The following FHIT variants were observed in gnomAD, a reference collection of about 807,000 sequenced individuals.
FHIT encodes the protein fragile histidine triad diadenosine triphosphatase.
In FHIT, 19 loss-of-function variants were observed where a neutral mutation model predicts 17.9. The observed-to-expected ratio is 1.06, with a 90% CI of 0.74 to 1.56. The LOEUF is 1.56. Among genes scored for constraint, FHIT ranks in the 40% most tolerant of loss-of-function variants. FHIT has a pLI of 0.00. For synonymous variants in FHIT, 81 were observed against 69.7 expected, an observed-to-expected ratio of 1.16 and a Z score of -0.81; for missense variants, 248 against 189.2, an observed-to-expected ratio of 1.31 and a Z score of -1.82.
chr3:60,627,749 C>G (rs560262182), intron 4 of FHIT, among the ~76,000 whole-genome samples: 1 of 152,278 alleles, frequency 6.6e-6, no homozygotes, highest in African/African-American at 2.4e-5. Context: ...GTCACATACT[C>G]CTGACCACGT....
At chr3:61,169,811 A>T (rs1456331581) in intron 2 of FHIT, among the ~76,000 whole-genome samples, 2 of 152,184 alleles carry the variant, frequency 1.3e-5, no homozygotes, top group Admixed American at 6.5e-5. Context: ...GTTCAACTCC[A>T]AATACAACAA....
rs530494635 is a variant in FHIT at position 59,875,692 on chromosome 3, T to C, written c.348+46654A>G. 9.6e-4 allele frequency among the ~76,000 whole-genome samples: 146 copies of C among 152,306 alleles called. 1 individual carries two copies. The highest frequency in any genetic ancestry group is 1.7e-3 in the Non-Finnish European group (113 of 68,024). On this transcript the variant is annotated intron_variant, in intron 8 of 9. Coordinates refer to ENST00000492590, the MANE Select transcript of FHIT (RefSeq NM_002012.4). ...TTTCATCATAATAAAAAATGTATTC[T>C]AGAGGCCATTATTCATGGGTTAATA...
In FHIT at chr3:60,011,408, T is replaced by G. The variant is rs774262067; in HGVS notation, c.250-8A>C. ...TCCGGCTTCGGGGCCATCCTAGAAG[T>G]AGGAAAAAACCAACAGAGGTGAGAA... On this transcript the variant is annotated splice_polypyrimidine_tract_variant and splice_region_variant and intron_variant, in intron 6 of 9. Transcript: ENST00000492590. 3 of 1,612,966 alleles carry G rather than the reference T, an allele frequency of 1.9e-6. No individual in the cohort carries two copies. The highest frequency in any genetic ancestry group is 2.2e-5 in the South Asian group (2 of 91,050).
chr3:60,810,955 G>T (rs1321388425), intron 4 of FHIT, among the ~76,000 whole-genome samples: 1 of 152,150 alleles, frequency 6.6e-6, no homozygotes, highest in Non-Finnish European at 1.5e-5. Context: ...ATAGGCCTTG[G>T]TGACAGAGAG....
chr3:60,569,616 G>A (rs1468758245), intron 4 of FHIT, among the ~76,000 whole-genome samples: 1 of 151,064 alleles, frequency 6.6e-6, no homozygotes, highest in Non-Finnish European at 1.5e-5. Flanking sequence ...TGGCTAGCTA[G>A]GAGACTTTGG....
chr3:61,128,470 G>A (rs2036672705), intron 2 of FHIT, among the ~76,000 whole-genome samples: 1 of 151,988 alleles, frequency 6.6e-6, no homozygotes, highest in Non-Finnish European at 1.5e-5. Flanking sequence ...AATCTAACCT[G>A]CAATTACAAT....
intron 5 of FHIT, among the ~76,000 whole-genome samples, chr3:60,520,867 A>C (rs2035332377): frequency 6.6e-6 from 1 of 152,102 alleles, no homozygotes; most frequent in South Asian, 2.1e-4. Context: ...AGCATTTTTC[A>C]CACACCTACC....
At position 60,878,827 on chromosome 3, in the gene FHIT, T is replaced by C. The variant is rs575519279; in HGVS notation, c.-110-56816A>G. ...CTACAAAGGACATGAACTCATCCTT[T>C]TTTATGGCTGCATAGTATTCCATGG... On this transcript the variant is annotated intron_variant, in intron 3 of 9. Transcript: ENST00000492590. Among the ~76,000 whole-genome samples, 24 of 152,340 alleles carry C rather than the reference T, an allele frequency of 1.6e-4. No individual in the cohort carries two copies. In the East Asian group the frequency reaches 4.4e-3, roughly 28 times the overall value.
chr3:60,013,676 T>C (rs1475193429), intron 6 of FHIT, among the ~76,000 whole-genome samples: 1 of 152,158 alleles, frequency 6.6e-6, no homozygotes, highest in African/African-American at 2.4e-5. Flanking sequence ...TATGCAGTGC[T>C]CAAAAATTAG....
At chr3:60,363,372 A>G (rs1172567737) in intron 5 of FHIT, among the ~76,000 whole-genome samples, 4 of 152,190 alleles carry the variant, frequency 2.6e-5, no homozygotes, top group Admixed American at 1.3e-4. Flanking sequence ...TAACTTTTCA[A>G]AACAAATCTA....
At chr3:60,404,425 T>A (rs1701773526) in intron 5 of FHIT, among the ~76,000 whole-genome samples, 1 of 152,200 alleles carries the variant, frequency 6.6e-6, no homozygotes, top group South Asian at 2.1e-4. Context: ...TGTCTCGGGA[T>A]GTGACAGTAG....
At chr3:61,124,295 C>T (rs1284743919) in intron 2 of FHIT, among the ~76,000 whole-genome samples, 1 of 152,182 alleles carries the variant, frequency 6.6e-6, no homozygotes, top group Non-Finnish European at 1.5e-5. Context: ...TGGTGTAGGA[C>T]TTCCATCACA....
intron 5 of FHIT, among the ~76,000 whole-genome samples, chr3:60,401,602 CTG>C (rs1051878223): frequency 2.6e-4 from 39 of 152,144 alleles, no homozygotes; most frequent in African/African-American, 9.2e-4. Context: ...CTTCCCTCCA[CTG>C]TTAGTCCCCG....
intron 5 of FHIT, among the ~76,000 whole-genome samples, chr3:60,489,877 A>G (rs1163640441): frequency 6.6e-6 from 1 of 152,098 alleles, no homozygotes; most frequent in Non-Finnish European, 1.5e-5. Flanking sequence ...CAGGCACTGA[A>G]CAGGAGGCTC....
intron 4 of FHIT, among the ~76,000 whole-genome samples, chr3:60,751,295 T>C (rs1479873657): frequency 1.3e-5 from 2 of 152,256 alleles, no homozygotes; most frequent in Non-Finnish European, 2.9e-5. Flanking sequence ...CAGAGAGGTG[T>C]TCAATGGATA....
chr3:60,139,727 T>C (rs1699957318), intron 5 of FHIT, among the ~76,000 whole-genome samples: 1 of 152,066 alleles, frequency 6.6e-6, no homozygotes, highest in South Asian at 2.1e-4. Flanking sequence ...GAAATACGTG[T>C]TGTATGGAAT....
At chr3:60,176,882 T>G (rs1398037177) in intron 5 of FHIT, among the ~76,000 whole-genome samples, 1 of 152,148 alleles carries the variant, frequency 6.6e-6, no homozygotes, top group Admixed American at 6.5e-5. Context: ...TTTGGCTACT[T>G]AATGTTTTCT....
chr3:60,223,930 T>A (rs1172802745), intron 5 of FHIT, among the ~76,000 whole-genome samples: 1 of 152,162 alleles, frequency 6.6e-6, no homozygotes, highest in Non-Finnish European at 1.5e-5. Flanking sequence ...CTGCGTCCTG[T>A]TCTCTCTCAA....
intron 5 of FHIT, among the ~76,000 whole-genome samples, chr3:60,176,282 G>A (rs1701664959): frequency 6.6e-6 from 1 of 152,096 alleles, no homozygotes; most frequent in Non-Finnish European, 1.5e-5. Context: ...AACCCAGGAG[G>A]CAAAGGTTGC....
Sources: gnomAD v4.1 joint callset for allele counts (sites outside exome capture counted in the v4.1 genomes callset) on GRCh38, gnomAD v4.1.1 for gene constraint, MANE v1.5 for transcripts, NCBI Gene and HGNC (gene_info 2026-07-23, HGNC 2026-07-21) for gene names.